Variants in DHX57 observed in about 807,000 individuals in gnomAD.
The protein encoded by DHX57 is putative ATP-dependent RNA helicase DHX57.
In DHX57, 105 loss-of-function variants were observed where a neutral mutation model predicts 156.2. That is an observed-to-expected ratio of 0.67 (90% CI 0.57 to 0.79). DHX57 has a LOEUF of 0.79. Ranked by LOEUF, DHX57 falls within the 30% of genes least tolerant of loss-of-function variation. DHX57 has a pLI of 0.00. For missense variants in DHX57, 1,847 were observed against 1,661.9 expected (o/e 1.11, Z -1.94); for synonymous variants, 704 against 595.6 (o/e 1.18, Z -2.65).
intron 7 of DHX57, among the ~76,000 whole-genome samples, chr2:38,855,546 A>G (rs1319147092): frequency 1.3e-5 from 2 of 152,222 alleles, no homozygotes; most frequent in Non-Finnish European, 2.9e-5. Flanking sequence ...TAAACTCTAC[A>G]CATGAACCCC....
chr2:38,870,529 T>G (rs778900936), intron 1 of DHX57, among the ~76,000 whole-genome samples: 1 of 152,220 alleles, frequency 6.6e-6, no homozygotes, highest in Non-Finnish European at 1.5e-5. Flanking sequence ...ATGACTGATT[T>G]CTTCACAGAA....
chr2:38,800,509 G>GGCCTGCTC (rs1669632812), intron 23 of DHX57, among the ~76,000 whole-genome samples: 1 of 152,116 alleles, frequency 6.6e-6, no homozygotes, highest in Non-Finnish European at 1.5e-5. Context: ...CACTGTATGG[G>GGCCTGCTC]AAACATACAG....
intron 13 of DHX57, among the ~76,000 whole-genome samples, chr2:38,828,924 G>C (rs941228611): frequency 2.2e-4 from 34 of 152,068 alleles, no homozygotes; most frequent in Non-Finnish European, 3.5e-4. Flanking sequence ...AGAATTATTA[G>C]CTAAGCTCTT....
rs569789651 is a variant in DHX57 at position 38,818,927 on chromosome 2, C to T, written c.3421G>A (p.Ala1141Thr). ...TTTTGTCTGCAGTAATTATAACTTG[C>T]ACGCACGCCTTCTTTTGTACTTAGC... is the stretch of plus-strand genomic sequence containing the variant. ...WQLSTKEGVR[A>T]SYNYCRQNFL... is the part of the protein sequence containing the mutation. Residue 1141 changes from alanine (A) to threonine (T), a missense_variant, in exon 19 of 24, where the codon GCA becomes ACA. Ala to Thr is a moderately conservative substitution (Grantham distance 58). Transcript: ENST00000457308. The T allele has an allele frequency of 1.9e-6, 3 of 1,614,216 alleles. No individual in the cohort carries two copies. The highest frequency in any genetic ancestry group is 1.3e-5 in the African/African-American group (1 of 75,064).
At chr2:38,806,211 C>T (rs1244451665) in intron 22 of DHX57, among the ~76,000 whole-genome samples, 5 of 152,112 alleles carry the variant, frequency 3.3e-5, no homozygotes, top group Non-Finnish European at 7.4e-5. Context: ...CAGTGGCAGG[C>T]TGAGAGCTGA....
intron 23 of DHX57, among the ~76,000 whole-genome samples, chr2:38,802,184 G>C (rs547450173): frequency 1.3e-5 from 2 of 151,968 alleles, no homozygotes; most frequent in Non-Finnish European, 2.9e-5. Flanking sequence ...GCCCGTACCA[G>C]ACTTCCCCTC....
At chr2:38,854,298 T>A in intron 8 of DHX57, 120 bp from the exon 9 acceptor site, 1 of 1,007,124 alleles carries the variant, frequency 9.9e-7, no homozygotes, top group Non-Finnish European at 1.4e-6. Context: ...CAGTTCCATT[T>A]AATAGGAAAC....
intron 16 of DHX57, among the ~76,000 whole-genome samples, chr2:38,824,017 A>C (rs941621478): frequency 3.9e-5 from 6 of 152,076 alleles, no homozygotes; most frequent in African/African-American, 1.2e-4. Context: ...TTTCCACAAA[A>C]AAAAAAAAGA....
At position 38,817,961 on chromosome 2, in the gene DHX57, G is replaced by C. The variant is rs189291656; in HGVS notation, c.3471+916C>G. 2.0e-4 allele frequency among the ~76,000 whole-genome samples: 30 copies of C among 152,202 alleles called. No homozygotes were observed. The East Asian group carries it at 5.6e-3, about 28-fold the overall frequency. ...AATCGTCAGCCTCTCAAAGTGCTGG[G>C]ATTACAGGTATGAGCCACCAAGCCC... On this transcript the variant is annotated intron_variant, in intron 19 of 23. Coordinates refer to ENST00000457308, the MANE Select transcript of DHX57 (RefSeq NM_198963.3).
chr2:38,813,803 G>A lies in DHX57; in HGVS notation c.3681+18C>T, dbSNP rs200596889. ...ATCAAACAAAAAATGGAAAGATCTAGGAAAAATGTTTTGTTACCTGCACTA... is the reference window on the plus strand; with the variant it reads ...ATCAAACAAAAAATGGAAAGATCTAAGAAAAATGTTTTGTTACCTGCACTA... On this transcript the variant is annotated intron_variant, in intron 21 of 23. Transcript: ENST00000457308. 2.1e-4 allele frequency: 345 copies of A among 1,612,840 alleles called. 1 individual carries two copies. Among genetic ancestry groups the A allele is most frequent in the Admixed American group, 8.8e-4 (53 of 59,952 alleles).
chr2:38,858,530 G>A, intron 6 of DHX57, 131 bp downstream of exon 6: 1 of 1,260,268 alleles, frequency 7.9e-7, no homozygotes. Flanking sequence ...GTGGCCTGTA[G>A]AAACTTTGAC....
rs1430949874 is a variant in DHX57, at chr2:38,868,067, G to A, written c.224+115C>T. ...GTCTTCAGAAAAGGGTTACAAAGAGGAAGACAATTTGACCAGAATTACTCG... is the reference window on the plus strand; with the variant it reads ...GTCTTCAGAAAAGGGTTACAAAGAGAAAGACAATTTGACCAGAATTACTCG... On this transcript the variant is annotated intron_variant, in intron 2 of 23. Transcript: ENST00000457308. 3.0e-6 allele frequency: 4 copies of A among 1,326,272 alleles called. No individual in the cohort carries two copies. The African/African-American group carries it at 5.9e-5, about 19-fold the overall frequency. The allele number at this position is 1,326,272 out of a possible 1,614,324, so 82.2% of individuals were successfully genotyped here.
intron 23 of DHX57, among the ~76,000 whole-genome samples, chr2:38,800,180 C>T (rs1318382898): frequency 1.5e-4 from 16 of 105,348 alleles, no homozygotes; most frequent in Admixed American, 3.4e-4. Context: ...AGCGAAACTC[C>T]ATCTCAAAAA....
At chr2:38,821,099 A>C (rs1245180050) in intron 17 of DHX57, among the ~76,000 whole-genome samples, 1 of 152,160 alleles carries the variant, frequency 6.6e-6, no homozygotes, top group Admixed American at 6.5e-5. Context: ...ATATATAGAA[A>C]TTAAACAACC....
At chr2:38,799,121 T>C (rs1669543312) in intron 23 of DHX57, among the ~76,000 whole-genome samples, 2 of 152,072 alleles carry the variant, frequency 1.3e-5, no homozygotes, top group South Asian at 4.1e-4. Flanking sequence ...CCCAGCACTT[T>C]GGGAGGCCGA....
chr2:38,826,396 T>G, intron 15 of DHX57, 120 bp downstream of exon 15: 1 of 1,215,604 alleles, frequency 8.2e-7, no homozygotes. Flanking sequence ...CGTACAGTTT[T>G]CACAAAGTAT....
At chr2:38,828,566 A>T (rs1297526690) in intron 13 of DHX57, 130 bp from the exon 14 acceptor site, 2 of 615,576 alleles carry the variant, frequency 3.2e-6, no homozygotes, top group Non-Finnish European at 5.3e-6. Flanking sequence ...AGCTGTTTTT[A>T]ACCAAAATAT....
intron 13 of DHX57, among the ~76,000 whole-genome samples, chr2:38,831,433 G>A (rs142324198): frequency 1.3e-5 from 2 of 151,412 alleles, no homozygotes; most frequent in East Asian, 1.9e-4. Context: ...GGGTTCAAGC[G>A]ATTCTCCTGC....
At chr2:38,862,418 T>G in intron 3 of DHX57, 85 bp from the exon 4 acceptor site, 3 of 1,304,872 alleles carry the variant, frequency 2.3e-6, no homozygotes, top group Non-Finnish European at 2.0e-6. Flanking sequence ...AGAATTTAAT[T>G]CATAGGATCC....
Sources: allele counts gnomAD v4.1 joint callset (sites outside exome capture counted in the v4.1 genomes callset), GRCh38; gene constraint gnomAD v4.1.1; transcripts MANE v1.5; gene names NCBI Gene and HGNC (gene_info 2026-07-23, HGNC 2026-07-21).